PTPRO: variants seen among roughly 807,000 people sequenced by gnomAD.
PTPRO encodes the protein receptor-type tyrosine-protein phosphatase O.
A neutral mutation model predicts 145.2 loss-of-function variants in PTPRO; 62 were observed. That is an observed-to-expected ratio of 0.43 (90% CI 0.35 to 0.53). The LOEUF is 0.53. Ranked by LOEUF, PTPRO falls within the 20% of genes least tolerant of loss-of-function variation. The pLI, the probability that PTPRO is intolerant of heterozygous loss-of-function variation, is 0.01. For missense variants in PTPRO, 1,345 were observed against 1,482.7 expected, an observed-to-expected ratio of 0.91 and a Z score of 1.53; for synonymous variants, 565 against 514.7, an observed-to-expected ratio of 1.10 and a Z score of -1.32.
intron 1 of PTPRO, among the ~76,000 whole-genome samples, chr12:15,386,170 G>A (rs1939022283): frequency 6.6e-6 from 1 of 152,006 alleles, no homozygotes; most frequent in South Asian, 2.1e-4. Context: ...AAGGAAACAA[G>A]CCTCAAAGTG....
intron 7 of PTPRO, 32 bp downstream of exon 7, chr12:15,508,799 G>A (rs1220061235): frequency 4.4e-6 from 7 of 1,603,404 alleles, no homozygotes; most frequent in South Asian, 3.3e-5. Context: ...TGGGCTCGCC[G>A]GTCCTTCCTA....
At chr12:15,541,598 G>A (rs1943181204) in intron 12 of PTPRO, among the ~76,000 whole-genome samples, 1 of 152,180 alleles carries the variant, frequency 6.6e-6, no homozygotes, top group Non-Finnish European at 1.5e-5. Flanking sequence ...TCCTCACACG[G>A]TCTTTTCTTT....
chr12:15,477,999 G>T (rs1941694863), intron 1 of PTPRO, among the ~76,000 whole-genome samples: 1 of 152,120 alleles, frequency 6.6e-6, no homozygotes, highest in African/African-American at 2.4e-5. Flanking sequence ...ACCAAGCAGG[G>T]GACAACCATG....
At chr12:15,540,211 T>C (rs938492602) in intron 12 of PTPRO, among the ~76,000 whole-genome samples, 15 of 152,252 alleles carry the variant, frequency 9.9e-5, no homozygotes, top group Admixed American at 2.0e-4. Flanking sequence ...ACTGCTTACA[T>C]TGCAGATGCT....
At chr12:15,357,301 C>G (rs1938026915) in intron 1 of PTPRO, among the ~76,000 whole-genome samples, 1 of 152,234 alleles carries the variant, frequency 6.6e-6, no homozygotes, top group African/African-American at 2.4e-5. Flanking sequence ...GCTCAAGGGA[C>G]TTCTTCCACT....
chr12:15,509,795 G>T (rs913434834), intron 7 of PTPRO, among the ~76,000 whole-genome samples: 2 of 152,170 alleles, frequency 1.3e-5, no homozygotes, highest in African/African-American at 4.8e-5. Context: ...GCACAGAGGA[G>T]AGTGAGGGGC....
In PTPRO at chr12:15,526,124, A is replaced by G. The variant is rs192901361; in HGVS notation, c.2044-18A>G. Reference sequence around the variant, plus strand: ...CATTCACTAAAAGTTTAAACCCTTGATTTTGATGATCTTGCAGGTAACACG... The same window carrying G: ...CATTCACTAAAAGTTTAAACCCTTGGTTTTGATGATCTTGCAGGTAACACG... On this transcript the variant is annotated intron_variant, in intron 11 of 26. Transcript: ENST00000281171. 4.2e-5 allele frequency: 68 copies of G among 1,613,846 alleles called. No individual in the cohort carries two copies. In the Admixed American group the frequency reaches 7.2e-4, roughly 17 times the overall value.
At chr12:15,444,649 G>A (rs1455740533) in intron 1 of PTPRO, among the ~76,000 whole-genome samples, 2 of 151,852 alleles carry the variant, frequency 1.3e-5, no homozygotes, top group East Asian at 1.9e-4. Context: ...AAGCCTTCAG[G>A]AGGTTATTTG....
chr12:15,588,940 A>T (rs1416912813), intron 24 of PTPRO, among the ~76,000 whole-genome samples: 1 of 152,206 alleles, frequency 6.6e-6, no homozygotes, highest in Non-Finnish European at 1.5e-5. Flanking sequence ...CAGAAATGTG[A>T]CATTAGAAGG....
At chr12:15,416,031 T>C (rs926691862) in intron 1 of PTPRO, among the ~76,000 whole-genome samples, 3 of 151,790 alleles carry the variant, frequency 2.0e-5, no homozygotes, top group Admixed American at 6.5e-5. Context: ...ATAGCACTTA[T>C]ATTTTAATCT....
Position 15,483,964 on chromosome 12 carries a change from CATT to C in PTPRO, c.76-9_76-7del. 1 of 1,611,516 alleles carries C rather than the reference CATT, an allele frequency of 6.2e-7. No homozygotes were observed. The highest frequency in any genetic ancestry group is 2.2e-5 in the East Asian group (1 of 44,854). ...ACCTCCATCTCTTTTTATTCTGTTT[CATT>C]CAACAGAATGCTACAGCTTTCCATG... On this transcript the variant is annotated splice_region_variant and splice_polypyrimidine_tract_variant and intron_variant, in intron 1 of 26. Transcript: ENST00000281171.
At chr12:15,347,423 A>G (rs1867259830) in intron 1 of PTPRO, among the ~76,000 whole-genome samples, 1 of 152,206 alleles carries the variant, frequency 6.6e-6, no homozygotes, top group African/African-American at 2.4e-5. Context: ...ATCTCCTTAA[A>G]GAAAGAGACT....
chr12:15,500,603 A>C (rs756693366), intron 4 of PTPRO, among the ~76,000 whole-genome samples: 11 of 150,594 alleles, frequency 7.3e-5, no homozygotes, highest in Non-Finnish European at 4.4e-5. Context: ...TAACAACACA[A>C]AGGAAGGAGA....
At chr12:15,419,741 T>G (rs961062847) in intron 1 of PTPRO, among the ~76,000 whole-genome samples, 6 of 151,428 alleles carry the variant, frequency 4.0e-5, no homozygotes, top group African/African-American at 1.5e-4. Flanking sequence ...TGGTGTTTTT[T>G]TTTTCCCAGA....
intron 12 of PTPRO, among the ~76,000 whole-genome samples, chr12:15,537,273 CAG>C (rs1328173671): frequency 6.6e-6 from 1 of 151,990 alleles, no homozygotes; most frequent in African/African-American, 2.4e-5. Context: ...AGGCAGGCGA[CAG>C]ATGTGATGAG....
intron 10 of PTPRO, among the ~76,000 whole-genome samples, chr12:15,520,832 T>A (rs910353032): frequency 1.2e-4 from 19 of 152,346 alleles, no homozygotes; most frequent in Middle Eastern, 3.4e-3. Context: ...TTAACTTTTC[T>A]AAATATGTTT....
intron 1 of PTPRO, among the ~76,000 whole-genome samples, chr12:15,334,346 T>C (rs1016953634): frequency 3.9e-5 from 6 of 152,196 alleles, no homozygotes; most frequent in Non-Finnish European, 8.8e-5. Flanking sequence ...TTATACTCAG[T>C]TGAAATACTA....
intron 18 of PTPRO, among the ~76,000 whole-genome samples, chr12:15,566,329 G>A (rs1943896825): frequency 6.6e-6 from 1 of 152,046 alleles, no homozygotes; most frequent in South Asian, 2.1e-4. Context: ...AGGAAATTAG[G>A]GGGTCCAGCC....
intron 19 of PTPRO, among the ~76,000 whole-genome samples, chr12:15,571,450 G>A (rs544317869): frequency 6.6e-6 from 1 of 152,006 alleles, no homozygotes; most frequent in Admixed American, 6.6e-5. Flanking sequence ...ACCATGCCCG[G>A]CTAACTTTTG....
Sources: gnomAD v4.1 joint callset for allele counts (sites outside exome capture counted in the v4.1 genomes callset) on GRCh38, gnomAD v4.1.1 for gene constraint, MANE v1.5 for transcripts, NCBI Gene and HGNC (gene_info 2026-07-23, HGNC 2026-07-21) for gene names.